AFF3: variants seen among roughly 807,000 people sequenced by gnomAD.
AFF3 encodes the protein ALF transcription elongation factor 3.
A neutral mutation model predicts 129.7 loss-of-function variants in AFF3; 32 were observed. The observed-to-expected ratio is 0.25, with a 90% CI of 0.19 to 0.33. The LOEUF (loss-of-function observed/expected upper bound fraction) is 0.33. AFF3 is among the 10% of genes least tolerant of loss of function. The pLI is 1.00. For synonymous variants in AFF3, 644 were observed against 635.4 expected (o/e 1.01, Z -0.20); for missense variants, 1,373 against 1,592.0 (o/e 0.86, Z 2.34).
intron 4 of AFF3, among the ~76,000 whole-genome samples, chr2:100,012,835 C>T (rs577516595): frequency 7.9e-5 from 12 of 152,242 alleles, no homozygotes; most frequent in African/African-American, 2.6e-4. Context: ...ATGTGTTGCA[C>T]GTTATGAGTT....
chr2:100,122,515 C>T (rs1216660026), intron 2 of AFF3, among the ~76,000 whole-genome samples: 1 of 152,128 alleles, frequency 6.6e-6, no homozygotes, highest in African/African-American at 2.4e-5. Flanking sequence ...AAGAGATGGT[C>T]GCAGCAGAGA....
At chr2:100,048,427 A>C (rs1187715933) in intron 4 of AFF3, among the ~76,000 whole-genome samples, 3 of 152,230 alleles carry the variant, frequency 2.0e-5, no homozygotes, top group African/African-American at 7.2e-5. Context: ...AAAATGGCAG[A>C]AACAATTACT....
At chr2:100,142,374 G>C (rs141857040) in intron 1 of AFF3, 110 bp downstream of exon 1, 2 of 152,354 alleles carry the variant, frequency 1.3e-5, no homozygotes, top group African/African-American at 4.8e-5. Flanking sequence ...GACCAGCGGA[G>C]CATGGGCACA....
intron 7 of AFF3, among the ~76,000 whole-genome samples, chr2:99,907,862 T>C (rs141652147): frequency 3.9e-5 from 6 of 152,298 alleles, no homozygotes; most frequent in African/African-American, 1.4e-4. Context: ...GTTCACTGTA[T>C]CCTTTTTGTC....
intron 7 of AFF3, among the ~76,000 whole-genome samples, chr2:99,967,854 C>G (rs1034523027): frequency 6.6e-6 from 1 of 152,230 alleles, no homozygotes; most frequent in Non-Finnish European, 1.5e-5. Flanking sequence ...CCTGTGTGTG[C>G]CTACGCTCTT....
chr2:100,040,955 T>G (rs1685377031), intron 4 of AFF3, among the ~76,000 whole-genome samples: 1 of 152,236 alleles, frequency 6.6e-6, no homozygotes. Context: ...CTCTGTTTCA[T>G]CACTGTGAAA....
chr2:99,980,132 C>A (rs1224800524), intron 7 of AFF3, among the ~76,000 whole-genome samples: 3 of 151,660 alleles, frequency 2.0e-5, no homozygotes, highest in African/African-American at 7.2e-5. Flanking sequence ...TCAGCTAGTG[C>A]TTGACTTAAC....
intron 8 of AFF3, among the ~76,000 whole-genome samples, chr2:99,788,378 G>C (rs1057187998): frequency 6.6e-6 from 1 of 152,174 alleles, no homozygotes; most frequent in Non-Finnish European, 1.5e-5. Context: ...AGATGTGGAG[G>C]TGGAGGGCTG....
At chr2:99,702,676 T>A (rs1302159476) in intron 11 of AFF3, among the ~76,000 whole-genome samples, 1 of 152,230 alleles carries the variant, frequency 6.6e-6, no homozygotes, top group Non-Finnish European at 1.5e-5. Flanking sequence ...AAGTTCAGTA[T>A]CTTTTCATGT....
In AFF3 at chr2:100,028,780, A is replaced by T. The variant is rs930589753; in HGVS notation, c.54-19848T>A. On this transcript the variant is annotated intron_variant, in intron 4 of 24. Coordinates refer to ENST00000672756, the MANE Select transcript of AFF3 (RefSeq NM_001386135.1). Reference sequence around the variant, plus strand: ...ATAACAAGCATTGGTGAGGATGTGGAGATATTGCAAAGAAACCCTTGAGCA... The same window carrying T: ...ATAACAAGCATTGGTGAGGATGTGGTGATATTGCAAAGAAACCCTTGAGCA... Among the ~76,000 whole-genome samples the T allele has an allele frequency of 6.6e-5, 10 of 152,352 alleles. No homozygotes were observed. In the East Asian group the frequency reaches 1.7e-3, roughly 26 times the overall value.
At chr2:100,053,571 A>T (rs146489016) in intron 4 of AFF3, among the ~76,000 whole-genome samples, 69 of 152,346 alleles carry the variant, frequency 4.5e-4, no homozygotes, top group African/African-American at 1.5e-3. Flanking sequence ...CATCTTTGAC[A>T]TGGGGTGGGA....
chr2:99,739,241 C>T (rs1680516448), intron 10 of AFF3, among the ~76,000 whole-genome samples: 1 of 151,976 alleles, frequency 6.6e-6, no homozygotes, highest in South Asian at 2.1e-4. Context: ...TTCCCACCAC[C>T]ACTAAAACTT....
At chr2:99,887,157 C>G (rs1693172674) in intron 7 of AFF3, among the ~76,000 whole-genome samples, 1 of 152,210 alleles carries the variant, frequency 6.6e-6, no homozygotes, top group Admixed American at 6.5e-5. Context: ...TGAATCCTCT[C>G]TGTCATGTTC....
intron 4 of AFF3, among the ~76,000 whole-genome samples, chr2:100,074,074 A>G (rs1256754680): frequency 2.0e-5 from 3 of 152,222 alleles, no homozygotes; most frequent in South Asian, 4.1e-4. Context: ...GTTGTAACTC[A>G]GCCACGGACC....
rs374673903 is a variant in AFF3 at position 100,142,210 on chromosome 2, CCA to C, written c.-228+272_-228+273del. On this transcript the variant is annotated intron_variant, in intron 1 of 24. Coordinates refer to ENST00000672756, the MANE Select transcript of AFF3 (RefSeq NM_001386135.1). ...ATGTCTTCTTTATGTGCACCCTCTA[CCA>C]CACACACACACACACATGCACACGC... Among the ~76,000 whole-genome samples, 853 of 150,050 alleles carry C rather than the reference CCA, an allele frequency of 5.7e-3. 11 individuals are homozygous for C. The highest frequency in any genetic ancestry group is 0.02 in the African/African-American group (817 of 40,970).
At chr2:99,646,804 C>T (rs1684735164) in intron 13 of AFF3, among the ~76,000 whole-genome samples, 1 of 152,178 alleles carries the variant, frequency 6.6e-6, no homozygotes, top group African/African-American at 2.4e-5. Flanking sequence ...AAGTTATTCT[C>T]TACTTAAAAA....
At chr2:99,618,567 T>C (rs1305546543) in intron 13 of AFF3, among the ~76,000 whole-genome samples, 3 of 152,208 alleles carry the variant, frequency 2.0e-5, no homozygotes, top group African/African-American at 7.2e-5. Flanking sequence ...GCCTAGCACA[T>C]AGCAAATGCT....
At chr2:99,707,655 T>C (rs1677527694) in intron 11 of AFF3, 1 of 985,074 alleles carries the variant, frequency 1.0e-6, no homozygotes, top group Non-Finnish European at 1.2e-6. Context: ...AATCTTTCCA[T>C]TCCTGGAAGA....
chr2:99,681,301 G>C (rs1324967419), intron 11 of AFF3, among the ~76,000 whole-genome samples: 1 of 152,186 alleles, frequency 6.6e-6, no homozygotes, highest in Non-Finnish European at 1.5e-5. Flanking sequence ...AAAGGTGAAA[G>C]CCCATTGTAA....
Sources: allele counts gnomAD v4.1 joint callset (sites outside exome capture counted in the v4.1 genomes callset), GRCh38; gene constraint gnomAD v4.1.1; transcripts MANE v1.5; gene names NCBI Gene and HGNC (gene_info 2026-07-23, HGNC 2026-07-21).